The following AMPH variants were observed in gnomAD, a reference collection of about 807,000 sequenced individuals.
AMPH encodes the protein amphiphysin.
AMPH carries 49 observed loss-of-function variants against 99.1 expected under a neutral mutation model. That is an observed-to-expected ratio of 0.49 (90% CI 0.39 to 0.63). AMPH has a LOEUF of 0.63. Among genes scored for constraint, AMPH ranks in the 20% least tolerant of loss-of-function variants. AMPH has a pLI of 0.00. For synonymous variants in AMPH, 314 were observed against 317.3 expected, an observed-to-expected ratio of 0.99 and a Z score of 0.11; for missense variants, 759 against 863.4, an observed-to-expected ratio of 0.88 and a Z score of 1.52.
At chr7:38,429,105 T>G in intron 14 of AMPH, 1 of 1,290,334 alleles carries the variant, frequency 7.7e-7, no homozygotes, top group Non-Finnish European at 1.0e-6. Flanking sequence ...CATCTTCTGT[T>G]TCTCTTCCTC....
At chr7:38,464,012 T>A (rs1217039419) in intron 9 of AMPH, 1 of 1,260,146 alleles carries the variant, frequency 7.9e-7, no homozygotes. Context: ...ATTGGGGTCA[T>A]ATGCCAGCAA....
chr7:38,520,086 G>A (rs967482003), intron 2 of AMPH, among the ~76,000 whole-genome samples: 22 of 151,852 alleles, frequency 1.4e-4, no homozygotes, highest in East Asian at 7.7e-4. Flanking sequence ...GTCTCTCCCC[G>A]TATGTGTGTA....
At chr7:38,623,953 A>G (rs937271270) in intron 1 of AMPH, among the ~76,000 whole-genome samples, 29 of 152,206 alleles carry the variant, frequency 1.9e-4, no homozygotes, top group Non-Finnish European at 2.2e-4. Context: ...ACAATTCCAC[A>G]TGATTCAGCC....
In AMPH at chr7:38,534,103, T is replaced by C. The variant is rs1790509680; in HGVS notation, c.150+828A>G. 2.0e-5 allele frequency among the ~76,000 whole-genome samples: 3 copies of C among 152,166 alleles called. No individual in the cohort carries two copies. In the South Asian group the frequency reaches 6.2e-4, roughly 32 times the overall value. On this transcript the variant is annotated intron_variant, in intron 2 of 20. Transcript: ENST00000356264. ...TTTTTTTTCTGAATTACACCCCCTGTAAAATTTTAATACCGTAAGTATACT... is the reference window on the plus strand; with the variant it reads ...TTTTTTTTCTGAATTACACCCCCTGCAAAATTTTAATACCGTAAGTATACT...
intron 17 of AMPH, among the ~76,000 whole-genome samples, chr7:38,395,237 A>G (rs1292795852): frequency 6.6e-6 from 1 of 152,208 alleles, no homozygotes; most frequent in Non-Finnish European, 1.5e-5. Flanking sequence ...AAAAAAATAC[A>G]TAAGGAAGCT....
At chr7:38,525,559 G>T (rs1584204653) in intron 2 of AMPH, among the ~76,000 whole-genome samples, 2 of 151,572 alleles carry the variant, frequency 1.3e-5, no homozygotes, top group Admixed American at 1.3e-4. Context: ...TTTCCAGTCA[G>T]GACAAGAATC....
chr7:38,627,528 A>G (rs1040021475), intron 1 of AMPH, among the ~76,000 whole-genome samples: 3 of 151,716 alleles, frequency 2.0e-5, no homozygotes, highest in African/African-American at 7.3e-5. Flanking sequence ...GGTGGTGGGC[A>G]CCTGTAGTCC....
intron 1 of AMPH, among the ~76,000 whole-genome samples, chr7:38,603,314 C>CAAAA (rs59085219): frequency 0.011 from 1,077 of 94,698 alleles, 17 homozygotes; most frequent in African/African-American, 0.023. Context: ...GACTCTGTCT[C>CAAAA]AAAAAAAAAA....
chr7:38,510,225 G>A (rs895724171), intron 2 of AMPH, among the ~76,000 whole-genome samples: 3 of 152,074 alleles, frequency 2.0e-5, no homozygotes, highest in Non-Finnish European at 2.9e-5. Context: ...CTGTGTCCTC[G>A]TGTGGCTTTT....
intron 1 of AMPH, among the ~76,000 whole-genome samples, chr7:38,571,091 A>C (rs1310668126): frequency 2.6e-5 from 2 of 76,206 alleles, no homozygotes; most frequent in Non-Finnish European, 4.5e-5. Flanking sequence ...ATATTCATAT[A>C]TTGAATATAT....
In AMPH at chr7:38,425,761, T is replaced by A. The variant is rs948716714; in HGVS notation, c.1215+1193A>T. Among the ~76,000 whole-genome samples the A allele has an allele frequency of 9.2e-5, 14 of 152,202 alleles. No homozygotes were observed. The East Asian group carries it at 2.7e-3, about 29-fold the overall frequency. ...ATTATAAGAAACCCATGCACACATA[T>A]AGGGCGGAAACAGAGAATTTGTTGA... On this transcript the variant is annotated intron_variant, in intron 15 of 20. Coordinates refer to ENST00000356264, the MANE Select transcript of AMPH (RefSeq NM_001635.4).
intron 1 of AMPH, among the ~76,000 whole-genome samples, chr7:38,543,874 T>C (rs1205354737): frequency 6.6e-6 from 1 of 152,062 alleles, no homozygotes; most frequent in African/African-American, 2.4e-5. Flanking sequence ...ATCTACAGAG[T>C]CTCAAAGAAT....
rs1430560440 is a variant in AMPH at position 38,441,797 on chromosome 7, A to ATGATATATATCATATATCTG, written c.1018-5410_1018-5409insCAGATATATGATATATATCA. 4.1e-3 allele frequency among the ~76,000 whole-genome samples: 448 copies of ATGATATATATCATATATCTG among 108,918 alleles called. 12 individuals carry two copies. In the East Asian group the frequency reaches 0.051, roughly 12 times the overall value. The allele number at this position is 108,918 out of a possible 152,430, so 71.5% of individuals were successfully genotyped here. ...TATATATCATATATCTGTCATATAT[A>ATGATATATATCATATATCTG]TCATATATATATCATATATATCATA... On this transcript the variant is annotated intron_variant, in intron 11 of 20. Transcript: ENST00000356264.
chr7:38,435,505 G>A (rs1427637803), intron 12 of AMPH, among the ~76,000 whole-genome samples: 1 of 152,182 alleles, frequency 6.6e-6, no homozygotes, highest in African/African-American at 2.4e-5. Flanking sequence ...CATATGCAAA[G>A]TACTTATATA....
At chr7:38,508,523 A>T (rs1270985017) in intron 2 of AMPH, among the ~76,000 whole-genome samples, 1 of 152,218 alleles carries the variant, frequency 6.6e-6, no homozygotes. Context: ...TGCCTCTCCA[A>T]CTCAGAAACT....
chr7:38,469,382 G>A (rs1787793356), intron 7 of AMPH, among the ~76,000 whole-genome samples: 1 of 152,032 alleles, frequency 6.6e-6, no homozygotes, highest in African/African-American at 2.4e-5. Context: ...AGAAATAAAG[G>A]AAAAATTAAG....
At chr7:38,524,891 C>T (rs535801311) in intron 2 of AMPH, among the ~76,000 whole-genome samples, 4 of 152,070 alleles carry the variant, frequency 2.6e-5, no homozygotes, top group Admixed American at 2.6e-4. Flanking sequence ...CCCATGAATC[C>T]TATAATTCAG....
chr7:38,464,694 T>C (rs372357080), intron 9 of AMPH, among the ~76,000 whole-genome samples: 10 of 152,198 alleles, frequency 6.6e-5, no homozygotes, highest in African/African-American at 2.2e-4. Flanking sequence ...ATGAGACCTC[T>C]AACCAGAGAG....
intron 17 of AMPH, among the ~76,000 whole-genome samples, chr7:38,410,327 A>C (rs558563066): frequency 5.3e-5 from 8 of 152,220 alleles, no homozygotes; most frequent in Non-Finnish European, 1.0e-4. Context: ...TGACCCTGTC[A>C]AGCACGACAT....
Sources: gnomAD v4.1 joint callset for allele counts (sites outside exome capture counted in the v4.1 genomes callset) on GRCh38, gnomAD v4.1.1 for gene constraint, MANE v1.5 for transcripts, NCBI Gene and HGNC (gene_info 2026-07-23, HGNC 2026-07-21) for gene names.